The following AFF3 variants were observed in gnomAD, a reference collection of about 807,000 sequenced individuals.
AFF3 encodes the protein ALF transcription elongation factor 3.
Under a neutral mutation model 129.7 loss-of-function variants are expected in AFF3, and 32 were observed. The observed-to-expected ratio is 0.25, with a 90% CI of 0.19 to 0.33. The LOEUF (loss-of-function observed/expected upper bound fraction) is 0.33. Ranked by LOEUF, AFF3 falls within the 10% of genes least tolerant of loss-of-function variation. AFF3 has a pLI of 1.00. For missense variants in AFF3, 1,373 were observed against 1,592.0 expected (o/e 0.86, Z 2.34); for synonymous variants, 644 against 635.4 (o/e 1.01, Z -0.20).
chr2:99,830,146 A>G (rs1473687193), intron 8 of AFF3, among the ~76,000 whole-genome samples: 2 of 152,146 alleles, frequency 1.3e-5, no homozygotes, highest in African/African-American at 4.8e-5. Context: ...AGGGAGGGAG[A>G]GCATTAGGAC....
Position 99,589,396 on chromosome 2 carries a change from C to CTT in AFF3, c.2467-2119_2467-2118insAA, listed in dbSNP as rs1559510828. 4.1e-4 allele frequency among the ~76,000 whole-genome samples: 40 copies of CTT among 98,382 alleles called. 1 individual carries two copies. The highest frequency in any genetic ancestry group is 1.5e-3 in the African/African-American group (39 of 26,632). 64.5% of individuals were successfully genotyped at this position (98,382 alleles called of 152,430 possible). ...GACAACACCCCTGCAAAGATGTCAACATTTTTTTTTTTTTTTTTTTTTTTG... is the reference window on the plus strand; with the variant it reads ...GACAACACCCCTGCAAAGATGTCAACTTATTTTTTTTTTTTTTTTTTTTTTTG... On this transcript the variant is annotated intron_variant, in intron 15 of 24. Transcript: ENST00000672756.
At chr2:99,574,332 C>T (rs1160536722) in intron 18 of AFF3, among the ~76,000 whole-genome samples, 1 of 152,152 alleles carries the variant, frequency 6.6e-6, no homozygotes, top group Non-Finnish European at 1.5e-5. Context: ...GACAGGCTGA[C>T]CTGATTACAT....
chr2:99,993,974 T>G (rs1680606803), intron 7 of AFF3, among the ~76,000 whole-genome samples: 1 of 151,354 alleles, frequency 6.6e-6, no homozygotes, highest in Non-Finnish European at 1.5e-5. Flanking sequence ...CCCGGCTAAT[T>G]TTTGTATTTT....
intron 7 of AFF3, among the ~76,000 whole-genome samples, chr2:99,967,631 C>A (rs185944150): frequency 6.6e-6 from 1 of 152,268 alleles, no homozygotes; most frequent in Admixed American, 6.5e-5. Context: ...ACAAGTAGAG[C>A]CCTTTGTTCA....
At chr2:99,648,599 C>T (rs571139589) in intron 13 of AFF3, among the ~76,000 whole-genome samples, 1 of 152,156 alleles carries the variant, frequency 6.6e-6, no homozygotes, top group East Asian at 1.9e-4. Context: ...CTCAGTCTGC[C>T]ACCACACAGA....
At chr2:99,787,209 C>A (rs546542888) in intron 8 of AFF3, among the ~76,000 whole-genome samples, 108 of 152,282 alleles carry the variant, frequency 7.1e-4, no homozygotes, top group Non-Finnish European at 1.3e-3. Flanking sequence ...TCACTCCAAC[C>A]GAAGCCAGAA....
At chr2:99,936,485 T>C (rs932796350) in intron 7 of AFF3, among the ~76,000 whole-genome samples, 1 of 152,046 alleles carries the variant, frequency 6.6e-6, no homozygotes, top group African/African-American at 2.4e-5. Context: ...AAGGCGTTCT[T>C]GTTATCTGTC....
intron 4 of AFF3, among the ~76,000 whole-genome samples, chr2:100,045,957 G>C (rs551387104): frequency 6.6e-6 from 1 of 152,130 alleles, no homozygotes; most frequent in Admixed American, 6.5e-5. Context: ...TGAGCCTTTG[G>C]GAAGTCAAAA....
chr2:99,741,862 C>A (rs1680748028), intron 10 of AFF3, among the ~76,000 whole-genome samples: 1 of 152,130 alleles, frequency 6.6e-6, no homozygotes, highest in Non-Finnish European at 1.5e-5. Flanking sequence ...GTACTGGTAC[C>A]AAAACAGAGT....
intron 7 of AFF3, among the ~76,000 whole-genome samples, chr2:99,896,756 C>G (rs1693998634): frequency 6.7e-6 from 1 of 148,214 alleles, no homozygotes; most frequent in Admixed American, 6.8e-5. Flanking sequence ...CTCCCTCAGA[C>G]TCCCCACTAG....
At chr2:99,582,361 C>T (rs1677653912) in intron 17 of AFF3, among the ~76,000 whole-genome samples, 1 of 152,050 alleles carries the variant, frequency 6.6e-6, no homozygotes, top group African/African-American at 2.4e-5. Context: ...TGGTGGGGGT[C>T]CCCCACTGCA....
intron 4 of AFF3, among the ~76,000 whole-genome samples, chr2:100,069,492 C>T (rs920828545): frequency 1.3e-5 from 2 of 152,242 alleles, no homozygotes; most frequent in South Asian, 4.1e-4. Context: ...ACGTAAAATA[C>T]CTAGTATGAT....
rs941703140 is a variant in AFF3 at position 99,663,746 on chromosome 2, A to G, written c.1143+8792T>C. On this transcript the variant is annotated intron_variant, in intron 12 of 24. Transcript: ENST00000672756. ...CTGCCCAATATGTTTGGATAACGTA[A>G]TTACTGGAAGCTGCAGGCATGTACA... Among the ~76,000 whole-genome samples the G allele has an allele frequency of 2.6e-5, 4 of 152,228 alleles. No homozygotes were observed. The East Asian group carries it at 5.8e-4, about 22-fold the overall frequency.
chr2:99,966,298 A>C (rs553159291), intron 7 of AFF3, among the ~76,000 whole-genome samples: 1 of 152,332 alleles, frequency 6.6e-6, no homozygotes, highest in Admixed American at 6.5e-5. Context: ...ATTACAATTT[A>C]CACAGATGAA....
At chr2:99,696,468 G>C (rs1676278852) in intron 11 of AFF3, among the ~76,000 whole-genome samples, 1 of 152,164 alleles carries the variant, frequency 6.6e-6, no homozygotes, top group Admixed American at 6.5e-5. Flanking sequence ...ATCCTACACA[G>C]TTATATCTGC....
intron 4 of AFF3, among the ~76,000 whole-genome samples, chr2:100,034,710 G>T (rs996305839): frequency 3.2e-4 from 48 of 152,098 alleles, no homozygotes; most frequent in African/African-American, 1.1e-3. Context: ...TTTTGATCTA[G>T]TGCCTATAAA....
rs541951640 is a variant in AFF3, at chr2:99,788,775, A to T, written c.922-36474T>A. On this transcript the variant is annotated intron_variant, in intron 8 of 24. Coordinates refer to ENST00000672756, the MANE Select transcript of AFF3 (RefSeq NM_001386135.1). ...ACTCACTCACTGACTCACCCAGAGCAACTTCCAGTCCTGTAAGCTCCTTTC... is the reference window on the plus strand; with the variant it reads ...ACTCACTCACTGACTCACCCAGAGCTACTTCCAGTCCTGTAAGCTCCTTTC... 9.2e-5 allele frequency among the ~76,000 whole-genome samples: 14 copies of T among 152,320 alleles called. No homozygotes were observed. The South Asian group carries it at 2.7e-3, about 29-fold the overall frequency.
intron 7 of AFF3, among the ~76,000 whole-genome samples, chr2:99,925,108 G>A (rs545608816): frequency 1.3e-5 from 2 of 151,924 alleles, no homozygotes; most frequent in Non-Finnish European, 2.9e-5. Context: ...GAACTCCTGG[G>A]CTCAAGCAAT....
intron 1 of AFF3, among the ~76,000 whole-genome samples, chr2:100,131,649 G>A (rs913484976): frequency 7.9e-5 from 12 of 151,898 alleles, no homozygotes; most frequent in African/African-American, 1.7e-4. Context: ...TAGTAGAGAC[G>A]GGGTTTCACC....
Sources: gnomAD v4.1 joint callset for allele counts (sites outside exome capture counted in the v4.1 genomes callset) on GRCh38, gnomAD v4.1.1 for gene constraint, MANE v1.5 for transcripts, NCBI Gene and HGNC (gene_info 2026-07-23, HGNC 2026-07-21) for gene names.